Variants in BRD4 observed in about 807,000 individuals in gnomAD.
BRD4 encodes the protein bromodomain-containing protein 4.
A neutral mutation model predicts 142.1 loss-of-function variants in BRD4; 16 were observed. The observed-to-expected ratio is 0.11, with a 90% CI of 0.08 to 0.17. The LOEUF is 0.17. BRD4 is among the 10% of genes least tolerant of loss of function. BRD4 has a pLI of 1.00. For synonymous variants in BRD4, 833 were observed against 707.5 expected, an observed-to-expected ratio of 1.18 and a Z score of -2.82; for missense variants, 1,424 against 1,810.9, an observed-to-expected ratio of 0.79 and a Z score of 3.88.
intron 11 of BRD4, chr19:15,247,305 C>T (rs1049966715): frequency 8.6e-6 from 2 of 231,718 alleles, no homozygotes; most frequent in Non-Finnish European, 1.7e-5. Flanking sequence ...CCAGCTGGTG[C>T]GTCGAGGCCC....
intron 1 of BRD4, among the ~76,000 whole-genome samples, chr19:15,326,980 T>C (rs972725211): frequency 6.6e-6 from 1 of 152,200 alleles, no homozygotes; most frequent in Non-Finnish European, 1.5e-5. Context: ...CAAACTGTTC[T>C]GTAACCATGC....
intron 5 of BRD4, among the ~76,000 whole-genome samples, chr19:15,265,096 G>C (rs147774342): frequency 6.6e-6 from 1 of 152,354 alleles, no homozygotes; most frequent in Non-Finnish European, 1.5e-5. Context: ...AGACTATTTA[G>C]ATGGCCCATC....
chr19:15,267,961 C>T (rs2145611235), intron 3 of BRD4, among the ~76,000 whole-genome samples: 1 of 152,294 alleles, frequency 6.6e-6, no homozygotes. Context: ...CCCCAACGTA[C>T]CCCCATGGCA....
chr19:15,267,747 G>A (rs2047549926), intron 3 of BRD4, among the ~76,000 whole-genome samples, 196 bp from the exon 4 acceptor site: 1 of 152,128 alleles, frequency 6.6e-6, no homozygotes, highest in African/African-American at 2.4e-5. Flanking sequence ...CCACAGGTGT[G>A]CTGAGCCTAC....
intron 1 of BRD4, among the ~76,000 whole-genome samples, chr19:15,322,823 C>T (rs1444805164): frequency 6.5e-5 from 9 of 137,464 alleles, no homozygotes; most frequent in East Asian, 4.3e-4. Flanking sequence ...GCTGAGACTG[C>T]GCCACTGCAC....
chr19:15,280,644 G>A (rs1007224270), intron 1 of BRD4, among the ~76,000 whole-genome samples: 5 of 152,274 alleles, frequency 3.3e-5, no homozygotes, highest in Non-Finnish European at 5.9e-5. Context: ...TGCCTGAGGG[G>A]ACATGGCTTA....
In BRD4 at chr19:15,240,129, C is replaced by T. The variant is rs192015430; in HGVS notation, c.3170-107G>A. 9.7e-6 allele frequency: 14 copies of T among 1,441,114 alleles called. No individual in the cohort carries two copies. In the East Asian group the frequency reaches 1.5e-4, roughly 15 times the overall value. The allele number at this position is 1,441,114 out of a possible 1,614,324, so 89.3% of individuals were successfully genotyped here. On this transcript the variant is annotated intron_variant, in intron 14 of 19. Coordinates refer to ENST00000679869, the MANE Select transcript of BRD4 (RefSeq NM_001379291.1). ...GGCTGTATGGAGAAACTGCATGTGC[C>T]GCCCAGGCCCTGGGACAAGGGTCCA...
At chr19:15,330,857 A>C (rs770222734) in intron 1 of BRD4, among the ~76,000 whole-genome samples, 8 of 152,220 alleles carry the variant, frequency 5.3e-5, no homozygotes, top group Admixed American at 3.9e-4. Context: ...AATCCTTTTG[A>C]GTATCGCTTT....
chr19:15,251,635 C>A (rs1415321243), intron 11 of BRD4, among the ~76,000 whole-genome samples: 2 of 152,182 alleles, frequency 1.3e-5, no homozygotes, highest in Non-Finnish European at 2.9e-5. Context: ...CCTCTGCCCC[C>A]CGCCCTGAGA....
In BRD4 at chr19:15,270,243, G is replaced by A. The variant is rs117158447; in HGVS notation, c.286-1201C>T. Among the ~76,000 whole-genome samples, 18 of 152,362 alleles carry A rather than the reference G, an allele frequency of 1.2e-4. No individual in the cohort carries two copies. In the East Asian group the frequency reaches 2.7e-3, roughly 23 times the overall value. On this transcript the variant is annotated intron_variant, in intron 2 of 19. Transcript: ENST00000679869. ...CCTGCTCGGGATGGTAGTGGACAGC[G>A]TTGGAAAGGCCAGCACAGGGTATGG...
In BRD4 at chr19:15,272,918, T is replaced by C; in HGVS notation, c.182A>G (p.Asn61Ser). 2 of 1,614,132 alleles carry C rather than the reference T, an allele frequency of 1.2e-6. No homozygotes were observed. The highest frequency in any genetic ancestry group is 1.7e-6 in the Non-Finnish European group (2 of 1,180,024). Residue 61 changes from asparagine (N) to serine (S), a missense_variant, in exon 2 of 20, where the codon AAC becomes AGC. By Grantham distance (46) the Asn-to-Ser change is conservative (BLOSUM62 1). This residue lies in a region of BRD4 where 55 missense variants were observed against 160.7 expected (regional missense o/e 0.34). Transcript: ENST00000679869. Reference protein sequence around the residue: ...SNPNKPKRQTNQLQYLLRVVL... With the variant: ...SNPNKPKRQTSQLQYLLRVVL... ...CACTCTGAGCAGGTATTGCAGTTGG[T>C]TGGTCTGCCTCTTGGGCTTGTTAGG...
intron 1 of BRD4, among the ~76,000 whole-genome samples, chr19:15,325,025 T>A (rs527908113): frequency 3.9e-5 from 6 of 152,306 alleles, no homozygotes; most frequent in African/African-American, 1.4e-4. Context: ...CTGGTGCACC[T>A]CCTGGCTGTC....
chr19:15,257,316 C>T (rs2145577168), intron 7 of BRD4, 143 bp from the exon 8 acceptor site: 7 of 793,562 alleles, frequency 8.8e-6, no homozygotes, highest in Admixed American at 8.8e-5. Context: ...TCTTTGCTGC[C>T]GAGACAGGGG....
chr19:15,316,547 C>T (rs1393057092), intron 1 of BRD4, among the ~76,000 whole-genome samples: 1 of 152,094 alleles, frequency 6.6e-6, no homozygotes, highest in East Asian at 1.9e-4. Flanking sequence ...GCTGAGACCA[C>T]ACCATTCCAT....
At chr19:15,274,088 T>C (rs540599235) in intron 1 of BRD4, among the ~76,000 whole-genome samples, 66 of 152,194 alleles carry the variant, frequency 4.3e-4, no homozygotes, top group Non-Finnish European at 8.7e-4. Context: ...GCTGTGGAGA[T>C]AGGAGGCCAG....
rs1197390019 is a variant in BRD4, at chr19:15,251,438, C to CGGGG, written c.2158+2710_2158+2713dup. 5.9e-3 allele frequency among the ~76,000 whole-genome samples: 42 copies of CGGGG among 7,092 alleles called. 1 individual carries two copies. Among genetic ancestry groups the CGGGG allele is most frequent in the Admixed American group, 9.2e-3 (4 of 436 alleles). 4.7% of individuals were successfully genotyped at this position (7,092 alleles called of 152,430 possible). ...TCCAATCCAAATGGAAACACAAGAACGGGGGGGGGGGGGGGGGCGGGGGCG... is the reference window on the plus strand; with the variant it reads ...TCCAATCCAAATGGAAACACAAGAACGGGGGGGGGGGGGGGGGGGGGCGGGGGCG... On this transcript the variant is annotated intron_variant, in intron 11 of 19. Coordinates refer to ENST00000679869, the MANE Select transcript of BRD4 (RefSeq NM_001379291.1).
intron 7 of BRD4, among the ~76,000 whole-genome samples, chr19:15,257,780 T>A (rs1178216163): frequency 1.3e-5 from 2 of 152,036 alleles, no homozygotes; most frequent in Non-Finnish European, 2.9e-5. Context: ...AGGAGGCATC[T>A]CCAGCACACA....
At chr19:15,315,163 C>T (rs8112195) in intron 1 of BRD4, among the ~76,000 whole-genome samples, 3 of 149,760 alleles carry the variant, frequency 2.0e-5, no homozygotes. Flanking sequence ...TTTTTTTTTT[C>T]CCCCCACAGG....
chr19:15,289,883 G>A (rs955671201), intron 1 of BRD4, among the ~76,000 whole-genome samples: 2 of 152,152 alleles, frequency 1.3e-5, no homozygotes, highest in East Asian at 1.9e-4. Context: ...GAAGGAAAAC[G>A]GGGCCACTTC....
Sources: allele counts gnomAD v4.1 joint callset (sites outside exome capture counted in the v4.1 genomes callset), GRCh38; gene constraint gnomAD v4.1.1; regional missense constraint gnomAD v4.1.1; transcripts MANE v1.5; gene names NCBI Gene and HGNC (gene_info 2026-07-23, HGNC 2026-07-21).